CEP41: variants seen among roughly 807,000 people sequenced by gnomAD.
CEP41 encodes centrosomal protein of 41 kDa.
In CEP41, 32 loss-of-function variants were observed where a neutral mutation model predicts 44.3. That is an observed-to-expected ratio of 0.72 (90% confidence interval 0.54 to 0.97). The LOEUF is 0.97. CEP41 is among the 50% of genes least tolerant of loss of function. The pLI is 0.00. For missense variants in CEP41, 432 were observed against 455.2 expected (o/e 0.95, Z 0.46); for synonymous variants, 151 against 168.5 (o/e 0.90, Z 0.80).
At chr7:130,440,890 T>C (rs200964549) in intron 1 of CEP41, 44 bp downstream of exon 1, 1 of 1,579,214 alleles carries the variant, frequency 6.3e-7, no homozygotes, top group Admixed American at 1.7e-5. Flanking sequence ...CCTTTTCCGG[T>C]GCGCCCGCCC....
intron 5 of CEP41, among the ~76,000 whole-genome samples, chr7:130,410,471 C>T (rs1218250719): frequency 6.6e-6 from 1 of 152,168 alleles, no homozygotes; most frequent in East Asian, 1.9e-4. Flanking sequence ...ACACTGGATG[C>T]TACTGGGCAC....
At chr7:130,419,467 G>A in intron 2 of CEP41, 1 of 984,480 alleles carries the variant, frequency 1.0e-6, no homozygotes, top group Non-Finnish European at 1.2e-6. Flanking sequence ...GATAGTTTCT[G>A]ACTACCTTTT....
chr7:130,426,838 T>C, intron 2 of CEP41: 1 of 275,808 alleles, frequency 3.6e-6, no homozygotes, highest in Non-Finnish European at 7.2e-6. Flanking sequence ...TAGTTCTCTC[T>C]CCTTTATTGA....
At chr7:130,406,969 A>C (rs938993313) in intron 5 of CEP41, among the ~76,000 whole-genome samples, 1 of 151,444 alleles carries the variant, frequency 6.6e-6, no homozygotes, top group African/African-American at 2.4e-5. Context: ...AAAGTATAAT[A>C]AAAAAAAGTA....
At chr7:130,407,122 C>T (rs1433791519) in intron 5 of CEP41, among the ~76,000 whole-genome samples, 1 of 151,964 alleles carries the variant, frequency 6.6e-6, no homozygotes, top group Non-Finnish European at 1.5e-5. Flanking sequence ...GAGAGTGACA[C>T]ACTCTGCATG....
rs782137799 is a variant in CEP41, at chr7:130,440,962, G to C, written c.5C>G (p.Ser2Cys). 1 of 1,612,840 alleles carries C rather than the reference G, an allele frequency of 6.2e-7. No individual in the cohort carries two copies. The highest frequency in any genetic ancestry group is 8.5e-7 in the Non-Finnish European group (1 of 1,179,994). ...AGGGTTCCCAATGTGCCTCCGGAGG[G>C]ACATATTTTCTCCAACCGACCACGT... Reference protein sequence around the residue: MSLRRHIGNPEY... With the variant: MCLRRHIGNPEY... The change falls in exon 1 of 11, where the codon TCC (serine) becomes TGC (cysteine). Residue 2 changes from serine to cysteine, a missense_variant. Transcript: ENST00000223208.
intron 1 of CEP41, among the ~76,000 whole-genome samples, chr7:130,428,244 T>C (rs1425433325): frequency 2.0e-5 from 3 of 151,488 alleles, no homozygotes; most frequent in African/African-American, 7.3e-5. Context: ...ACCAACATGG[T>C]GAAACCCCAT....
At position 130,401,861 on chromosome 7, in the gene CEP41, TA is replaced by T; in HGVS notation, c.642+19del. On this transcript the variant is annotated intron_variant, in intron 8 of 10. Coordinates refer to ENST00000223208, the MANE Select transcript of CEP41 (RefSeq NM_018718.3). ...ACAATCCTCATACCACCCAATTCCT[TA>T]AAATGCAACAAAGGATACATATTCA... 6.5e-7 allele frequency: 1 copy of T among 1,540,068 alleles called. No individual in the cohort carries two copies. Among genetic ancestry groups the T allele is most frequent in the Non-Finnish European group, 9.0e-7 (1 of 1,112,918 alleles).
At chr7:130,399,856 C>T (rs1796789195) in intron 10 of CEP41, 183 bp downstream of exon 10, 6 of 604,514 alleles carry the variant, frequency 9.9e-6, no homozygotes, top group Non-Finnish European at 1.8e-5. Context: ...GATAAAGTCT[C>T]TCTTCAATGC....
chr7:130,416,795 G>T, intron 3 of CEP41, 124 bp downstream of exon 3: 1 of 811,882 alleles, frequency 1.2e-6, no homozygotes, highest in Non-Finnish European at 2.2e-6. Flanking sequence ...GCACCTGCTA[G>T]GCTTATCGGA....
chr7:130,427,672 G>T (rs1386799121), intron 2 of CEP41, among the ~76,000 whole-genome samples: 2 of 152,134 alleles, frequency 1.3e-5, no homozygotes, highest in African/African-American at 2.4e-5. Context: ...TTTAGCTTCA[G>T]CCCTGAAACT....
intron 2 of CEP41, among the ~76,000 whole-genome samples, chr7:130,418,583 G>A (rs1457249388): frequency 2.0e-5 from 3 of 152,206 alleles, no homozygotes; most frequent in Non-Finnish European, 2.9e-5. Context: ...AGTTTCTTTC[G>A]GCTAGGGAAG....
chr7:130,427,741 T>G (rs1014825600), intron 2 of CEP41, among the ~76,000 whole-genome samples: 1 of 152,212 alleles, frequency 6.6e-6, no homozygotes, highest in African/African-American at 2.4e-5. Flanking sequence ...TTATTTCTTA[T>G]GTGGTAAGGA....
At chr7:130,412,348 T>C (rs2117609180) in intron 3 of CEP41, 108 bp from the exon 4 acceptor site, 1 of 685,122 alleles carries the variant, frequency 1.5e-6, no homozygotes, top group Non-Finnish European at 2.7e-6. Context: ...CTTTTACATC[T>C]ATTATCTCAT....
intron 5 of CEP41, among the ~76,000 whole-genome samples, chr7:130,408,117 A>G (rs1797068924): frequency 6.6e-6 from 1 of 152,168 alleles, no homozygotes; most frequent in Non-Finnish European, 1.5e-5. Flanking sequence ...AAGTATCAGT[A>G]TATTAAACAC....
intron 2 of CEP41, among the ~76,000 whole-genome samples, chr7:130,426,138 T>C (rs911767430): frequency 5.9e-5 from 9 of 152,220 alleles, no homozygotes; most frequent in African/African-American, 2.2e-4. Context: ...GTTACCTCTA[T>C]GGGAAACTGG....
chr7:130,433,216 C>T (rs1315148742), intron 1 of CEP41, among the ~76,000 whole-genome samples: 1 of 151,704 alleles, frequency 6.6e-6, no homozygotes, highest in East Asian at 1.9e-4. Context: ...CAAAAAACAG[C>T]AGATCAAGTA....
intron 10 of CEP41, 171 bp from the exon 11 acceptor site, chr7:130,399,210 C>T (rs782052035): frequency 4.3e-5 from 33 of 764,906 alleles, no homozygotes; most frequent in Non-Finnish European, 7.0e-5. Flanking sequence ...TCCTTGAGAT[C>T]AGCCTGAAGG....
chr7:130,440,326 G>T (rs1798109310), intron 1 of CEP41, among the ~76,000 whole-genome samples: 1 of 152,078 alleles, frequency 6.6e-6, no homozygotes, highest in Admixed American at 6.5e-5. Flanking sequence ...TCCACTATAC[G>T]CAATTTATTA....
Sources: allele counts gnomAD v4.1 joint callset (sites outside exome capture counted in the v4.1 genomes callset), GRCh38; gene constraint gnomAD v4.1.1; transcripts MANE v1.5; gene names NCBI Gene and HGNC (gene_info 2026-07-23, HGNC 2026-07-21).